Variants in MACROD2 observed in about 807,000 individuals in gnomAD.
MACROD2 encodes ADP-ribose glycohydrolase MACROD2.
Under a neutral mutation model 70.4 loss-of-function variants are expected in MACROD2, and 36 were observed. That is an observed-to-expected ratio of 0.51 (90% CI 0.39 to 0.68). MACROD2 has a LOEUF of 0.68. MACROD2 is among the 30% of genes least tolerant of loss of function. The pLI is 0.00. For missense variants in MACROD2, 496 were observed against 538.4 expected (o/e 0.92, Z 0.78); for synonymous variants, 172 against 178.8 (o/e 0.96, Z 0.30).
At chr20:15,339,058 TG>T (rs1357594573) in intron 6 of MACROD2, among the ~76,000 whole-genome samples, 2 of 151,742 alleles carry the variant, frequency 1.3e-5, no homozygotes, top group African/African-American at 4.9e-5. Flanking sequence ...CTAGCAAATA[TG>T]CCATAAGTAG....
intron 15 of MACROD2, among the ~76,000 whole-genome samples, chr20:15,987,431 GAA>G (rs2066502106): frequency 6.6e-6 from 1 of 152,234 alleles, no homozygotes; most frequent in African/African-American, 2.4e-5. Flanking sequence ...ACAGTATTGA[GAA>G]AGCCTATAAG....
intron 8 of MACROD2, among the ~76,000 whole-genome samples, chr20:15,579,220 G>A (rs574263798): frequency 6.6e-6 from 1 of 152,280 alleles, no homozygotes; most frequent in South Asian, 2.1e-4. Flanking sequence ...CTGCTGCTTT[G>A]AAATGAGTTA....
At chr20:14,527,149 C>G (rs1407783621) in intron 4 of MACROD2, among the ~76,000 whole-genome samples, 1 of 152,180 alleles carries the variant, frequency 6.6e-6, no homozygotes, top group Non-Finnish European at 1.5e-5. Flanking sequence ...TGGTTGGTGG[C>G]CTGCTGGCCT....
chr20:15,991,485 A>G lies in MACROD2; in HGVS notation c.1153+4327A>G, dbSNP rs537948746. Reference sequence around the variant, plus strand: ...GCCATACACAGAATACCTGTGTATTACACAATAGCACAGTGGACATGTCCC... The same window carrying G: ...GCCATACACAGAATACCTGTGTATTGCACAATAGCACAGTGGACATGTCCC... On this transcript the variant is annotated intron_variant, in intron 15 of 17. Coordinates refer to ENST00000684519, the MANE Select transcript of MACROD2 (RefSeq NM_001351661.2). Among the ~76,000 whole-genome samples the G allele has an allele frequency of 3.4e-3, 517 of 152,316 alleles. 6 individuals carry two copies. The highest frequency in any genetic ancestry group is 0.012 in the African/African-American group (495 of 41,582).
At chr20:15,381,063 C>T (rs1056234030) in intron 6 of MACROD2, among the ~76,000 whole-genome samples, 23 of 152,104 alleles carry the variant, frequency 1.5e-4, no homozygotes, top group African/African-American at 5.1e-4. Context: ...GGTTGACAAG[C>T]ATAAATGTAC....
At chr20:15,528,071 A>C (rs2047745123) in intron 8 of MACROD2, among the ~76,000 whole-genome samples, 1 of 152,226 alleles carries the variant, frequency 6.6e-6, no homozygotes. Context: ...TAGAAAGACT[A>C]ATATAGAGCA....
At chr20:14,312,867 C>A (rs1262154980) in intron 3 of MACROD2, among the ~76,000 whole-genome samples, 1 of 152,182 alleles carries the variant, frequency 6.6e-6, no homozygotes, top group African/African-American at 2.4e-5. Flanking sequence ...TAGCTCAACT[C>A]CAGAACTCTT....
intron 3 of MACROD2, among the ~76,000 whole-genome samples, chr20:14,150,503 G>A (rs999304649): frequency 6.6e-6 from 1 of 152,164 alleles, no homozygotes; most frequent in Non-Finnish European, 1.5e-5. Context: ...TCTTCTAAAT[G>A]CAAGCAGTAC....
intron 3 of MACROD2, among the ~76,000 whole-genome samples, chr20:14,131,017 T>G (rs2148699114): frequency 6.6e-6 from 1 of 151,750 alleles, no homozygotes; most frequent in African/African-American, 2.4e-5. Context: ...CTTGGACTTT[T>G]GGGTTCCAGT....
At position 14,861,837 on chromosome 20, in the gene MACROD2, GC is replaced by G. The variant is rs563442455; in HGVS notation, c.418+176879del. On this transcript the variant is annotated intron_variant, in intron 5 of 17. Coordinates refer to ENST00000684519, the MANE Select transcript of MACROD2 (RefSeq NM_001351661.2). ...ACAACGTTCCTTCTTAATATCAGTG[GC>G]TCTCCTGCTGCTGGCCAAGCAGGAC... 4.8e-5 allele frequency among the ~76,000 whole-genome samples: 7 copies of G among 147,194 alleles called. No individual in the cohort carries two copies. The East Asian group carries it at 1.4e-3, about 30-fold the overall frequency.
At chr20:15,477,484 C>A (rs78749384) in intron 7 of MACROD2, among the ~76,000 whole-genome samples, 2 of 151,638 alleles carry the variant, frequency 1.3e-5, no homozygotes, top group African/African-American at 4.9e-5. Context: ...TAAAATTTGA[C>A]GGGTATGTGC....
intron 8 of MACROD2, among the ~76,000 whole-genome samples, chr20:15,717,972 G>T (rs1179507450): frequency 6.6e-6 from 1 of 151,514 alleles, no homozygotes; most frequent in Non-Finnish European, 1.5e-5. Context: ...GTCCTGAAAT[G>T]TCCTCATAGC....
chr20:15,513,273 A>G (rs1486469456), intron 8 of MACROD2, among the ~76,000 whole-genome samples: 1 of 151,242 alleles, frequency 6.6e-6, no homozygotes, highest in African/African-American at 2.4e-5. Context: ...GAGTCAAAGG[A>G]AAAAGAAAAT....
At chr20:15,871,138 T>C (rs1172304765) in intron 9 of MACROD2, among the ~76,000 whole-genome samples, 2 of 141,526 alleles carry the variant, frequency 1.4e-5, no homozygotes, top group South Asian at 2.2e-4. Flanking sequence ...ATCACACCAT[T>C]GCACTCCAGT....
At chr20:14,703,932 T>C (rs2071237371) in intron 5 of MACROD2, among the ~76,000 whole-genome samples, 1 of 151,684 alleles carries the variant, frequency 6.6e-6, no homozygotes, top group East Asian at 1.9e-4. Context: ...TTTACCATAT[T>C]CCCCAAACTG....
At chr20:14,362,521 C>T (rs963282028) in intron 3 of MACROD2, among the ~76,000 whole-genome samples, 8 of 152,118 alleles carry the variant, frequency 5.3e-5, no homozygotes, top group East Asian at 1.9e-4. Context: ...TTAATGGAGA[C>T]GGCTTTTAAA....
chr20:15,454,406 AACACACACACACACACACACACACAC>A (rs10523169), intron 7 of MACROD2, among the ~76,000 whole-genome samples: 11 of 137,534 alleles, frequency 8.0e-5, no homozygotes, highest in African/African-American at 2.0e-4. Flanking sequence ...GACATATTCA[AACACACACACACACACACACACACAC>A]ACACACACAC....
chr20:15,182,238 G>A (rs2076505771), intron 5 of MACROD2, among the ~76,000 whole-genome samples: 1 of 152,110 alleles, frequency 6.6e-6, no homozygotes, highest in Non-Finnish European at 1.5e-5. Flanking sequence ...CATTTAGTGG[G>A]GGATAAGAAT....
intron 8 of MACROD2, among the ~76,000 whole-genome samples, chr20:15,607,722 C>T (rs976636095): frequency 4.6e-5 from 7 of 152,002 alleles, no homozygotes; most frequent in Admixed American, 2.6e-4. Context: ...TTATTAGAGA[C>T]GGGGTTTCAC....
Sources: allele counts gnomAD v4.1 joint callset (sites outside exome capture counted in the v4.1 genomes callset), GRCh38; gene constraint gnomAD v4.1.1; transcripts MANE v1.5; gene names NCBI Gene and HGNC (gene_info 2026-07-23, HGNC 2026-07-21).